Variants in GRIK1 observed in about 807,000 individuals in gnomAD.
GRIK1 encodes the protein glutamate receptor ionotropic, kainate 1.
In GRIK1, 69 loss-of-function variants were observed where a neutral mutation model predicts 105.7. The ratio of observed to expected loss-of-function variants is 0.65; its 90% CI spans 0.54 to 0.80. The LOEUF is 0.80. GRIK1 is among the 30% of genes least tolerant of loss of function. The pLI is 0.00. For missense variants in GRIK1, 1,109 were observed against 1,167.3 expected, an observed-to-expected ratio of 0.95 and a Z score of 0.73; for synonymous variants, 438 against 431.3, an observed-to-expected ratio of 1.02 and a Z score of -0.19.
intron 1 of GRIK1, among the ~76,000 whole-genome samples, chr21:29,723,617 T>C (rs113957584): frequency 0.016 from 2,500 of 152,330 alleles, 29 homozygotes; most frequent in Middle Eastern, 0.045. Context: ...ATATCAGAGA[T>C]ATTGGGAAAC....
At chr21:29,598,737 C>A in intron 8 of GRIK1, 93 bp downstream of exon 8, 1 of 593,462 alleles carries the variant, frequency 1.7e-6, no homozygotes, top group Non-Finnish European at 3.0e-6. Flanking sequence ...TAGAGAATCA[C>A]TTCATCATTC....
chr21:29,585,303 G>A (rs1418441308), intron 12 of GRIK1, among the ~76,000 whole-genome samples: 10 of 152,102 alleles, frequency 6.6e-5, no homozygotes, highest in Non-Finnish European at 2.9e-5. Flanking sequence ...TGGAAGAATA[G>A]ACAAAGAGGG....
chr21:29,905,243 C>A (rs542645438), intron 1 of GRIK1, among the ~76,000 whole-genome samples: 2 of 152,160 alleles, frequency 1.3e-5, no homozygotes, highest in South Asian at 4.2e-4. Flanking sequence ...CTGAAATCGT[C>A]TGTTACCCAC....
chr21:29,551,012 T>G (rs2090125136), intron 16 of GRIK1, among the ~76,000 whole-genome samples: 1 of 152,206 alleles, frequency 6.6e-6, no homozygotes, highest in African/African-American at 2.4e-5. Context: ...ATGCAAGATG[T>G]CTTGTACACT....
chr21:29,915,320 A>T (rs1240971684), intron 1 of GRIK1, among the ~76,000 whole-genome samples: 2 of 152,014 alleles, frequency 1.3e-5, no homozygotes, highest in Non-Finnish European at 2.9e-5. Context: ...CAGACCTTGT[A>T]AGCAATTAAG....
At chr21:29,863,350 A>T (rs1469423380) in intron 1 of GRIK1, among the ~76,000 whole-genome samples, 1 of 152,214 alleles carries the variant, frequency 6.6e-6, no homozygotes, top group East Asian at 1.9e-4. Context: ...GTTGCCCAGA[A>T]TTGCTTTGAT....
intron 7 of GRIK1, among the ~76,000 whole-genome samples, chr21:29,619,220 C>T (rs780935709): frequency 1.3e-5 from 2 of 151,844 alleles, no homozygotes; most frequent in Non-Finnish European, 2.9e-5. Flanking sequence ...GGGCAGATCA[C>T]GAGGTCAGGA....
intron 7 of GRIK1, among the ~76,000 whole-genome samples, chr21:29,626,241 A>G (rs1420689989): frequency 1.3e-5 from 2 of 152,210 alleles, no homozygotes; most frequent in Admixed American, 6.5e-5. Context: ...ATGCATGCAC[A>G]TGAGAGACGG....
At chr21:29,753,965 A>T (rs2065271383) in intron 1 of GRIK1, among the ~76,000 whole-genome samples, 1 of 152,164 alleles carries the variant, frequency 6.6e-6, no homozygotes, top group Non-Finnish European at 1.5e-5. Flanking sequence ...AGGTATTGGG[A>T]TCCTTTTTCT....
At chr21:29,782,240 C>T (rs920061492) in intron 1 of GRIK1, among the ~76,000 whole-genome samples, 2 of 151,778 alleles carry the variant, frequency 1.3e-5, no homozygotes, top group African/African-American at 2.4e-5. Flanking sequence ...GCGCCCGCCA[C>T]CAAGCCTGGC....
rs764651911 is a variant in GRIK1, at chr21:29,642,978, G to T, written c.955-9C>A. The T allele has an allele frequency of 1.3e-5, 21 of 1,611,222 alleles. No homozygotes were observed. Among genetic ancestry groups the T allele is most frequent in the Non-Finnish European group, 1.6e-5 (19 of 1,178,384 alleles). ...ATCAGAGCCGCTTCAGTCTGTGGAG[G>T]AAAACACACACCGCATCTTAAATTC... On this transcript the variant is annotated splice_polypyrimidine_tract_variant and intron_variant, in intron 6 of 17. Transcript: ENST00000327783.
chr21:29,756,217 T>G (rs1170435525), intron 1 of GRIK1, among the ~76,000 whole-genome samples: 1 of 152,034 alleles, frequency 6.6e-6, no homozygotes, highest in Non-Finnish European at 1.5e-5. Context: ...CCGTCTCTAC[T>G]AAAAATACAA....
chr21:29,711,422 A>G (rs921160692), intron 1 of GRIK1, among the ~76,000 whole-genome samples: 4 of 152,094 alleles, frequency 2.6e-5, no homozygotes, highest in African/African-American at 4.8e-5. Flanking sequence ...AAATTGCCTA[A>G]GAATGCATTT....
intron 1 of GRIK1, among the ~76,000 whole-genome samples, chr21:29,697,778 A>T (rs1299557739): frequency 6.6e-6 from 1 of 152,142 alleles, no homozygotes; most frequent in Non-Finnish European, 1.5e-5. Context: ...AGAGTCTTTA[A>T]TAAGCAGAAT....
At chr21:29,873,731 G>C (rs896756903) in intron 1 of GRIK1, among the ~76,000 whole-genome samples, 1 of 152,138 alleles carries the variant, frequency 6.6e-6, no homozygotes, top group Non-Finnish European at 1.5e-5. Context: ...CTGTTTTGAA[G>C]GGCCTTGAAT....
At chr21:29,754,161 G>A (rs1159017053) in intron 1 of GRIK1, among the ~76,000 whole-genome samples, 2 of 152,150 alleles carry the variant, frequency 1.3e-5, no homozygotes, top group African/African-American at 4.8e-5. Context: ...ATACCAATCA[G>A]CAATGAAGAC....
At chr21:29,907,991 G>C (rs774043796) in intron 1 of GRIK1, among the ~76,000 whole-genome samples, 66 of 152,088 alleles carry the variant, frequency 4.3e-4, no homozygotes, top group Admixed American at 2.1e-3. Context: ...CAGGGATGTA[G>C]AATCTTCATC....
intron 1 of GRIK1, among the ~76,000 whole-genome samples, chr21:29,752,443 G>A (rs1327522041): frequency 6.6e-6 from 1 of 152,184 alleles, no homozygotes; most frequent in African/African-American, 2.4e-5. Flanking sequence ...GAGAACGTCT[G>A]CTTCTTCTTT....
intron 16 of GRIK1, among the ~76,000 whole-genome samples, chr21:29,547,587 G>C (rs368847708): frequency 6.6e-6 from 1 of 152,234 alleles, no homozygotes; most frequent in East Asian, 1.9e-4. Context: ...CTGAGTTCTT[G>C]GCATGTGATT....
Sources: allele counts gnomAD v4.1 joint callset (sites outside exome capture counted in the v4.1 genomes callset), GRCh38; gene constraint gnomAD v4.1.1; transcripts MANE v1.5; gene names NCBI Gene and HGNC (gene_info 2026-07-23, HGNC 2026-07-21).